Variants in ASIC2 observed in about 807,000 individuals in gnomAD.
ASIC2 encodes acid-sensing ion channel 2.
In ASIC2, 25 loss-of-function variants were observed where a neutral mutation model predicts 57.3. The observed-to-expected ratio is 0.44, with a 90% CI of 0.32 to 0.61. The LOEUF (loss-of-function observed/expected upper bound fraction) is 0.61. Ranked by LOEUF, ASIC2 falls within the 20% of genes least tolerant of loss-of-function variation. The pLI is 0.06. For synonymous variants in ASIC2, 319 were observed against 307.5 expected (o/e 1.04, Z -0.39); for missense variants, 641 against 738.1 (o/e 0.87, Z 1.52).
At chr17:33,288,754 ACACAC>A (rs1318554825) in intron 1 of ASIC2, among the ~76,000 whole-genome samples, 3 of 140,776 alleles carry the variant, frequency 2.1e-5, no homozygotes, top group Non-Finnish European at 3.1e-5. Context: ...ACACACACAC[ACACAC>A]AACTAATATG....
At chr17:33,928,584 T>A (rs1032752697) in intron 1 of ASIC2, among the ~76,000 whole-genome samples, 2 of 152,098 alleles carry the variant, frequency 1.3e-5, no homozygotes, top group African/African-American at 2.4e-5. Context: ...CCTCAAAAGA[T>A]GAACTGTGCC....
intron 1 of ASIC2, among the ~76,000 whole-genome samples, chr17:33,903,602 T>C (rs1915276962): frequency 6.6e-6 from 1 of 152,222 alleles, no homozygotes; most frequent in South Asian, 2.1e-4. Flanking sequence ...TGGAGGGTTT[T>C]TTGTTTGCTT....
chr17:33,710,958 T>C (rs954808544), intron 1 of ASIC2, among the ~76,000 whole-genome samples: 1 of 149,668 alleles, frequency 6.7e-6, no homozygotes, highest in South Asian at 2.1e-4. Context: ...TTAATTTTAA[T>C]TTTTTTGAGA....
At chr17:33,679,832 G>A (rs117064728) in intron 1 of ASIC2, among the ~76,000 whole-genome samples, 4 of 151,960 alleles carry the variant, frequency 2.6e-5, no homozygotes, top group South Asian at 2.1e-4. Context: ...AGAAGGTCAC[G>A]GAAAAAAAAC....
chr17:33,351,565 T>A (rs939806787), intron 1 of ASIC2, among the ~76,000 whole-genome samples: 1 of 152,156 alleles, frequency 6.6e-6, no homozygotes, highest in Non-Finnish European at 1.5e-5. Flanking sequence ...TCAAAGTGAA[T>A]CCCTACCTCT....
chr17:33,223,666 G>A (rs148205267), intron 1 of ASIC2, among the ~76,000 whole-genome samples: 10 of 152,368 alleles, frequency 6.6e-5, no homozygotes, highest in African/African-American at 2.2e-4. Context: ...ATAATATTTG[G>A]TATCAAGCCA....
intron 1 of ASIC2, among the ~76,000 whole-genome samples, chr17:34,151,119 AAAAAAAT>A (rs1904507731): frequency 8.8e-6 from 1 of 113,254 alleles, no homozygotes; most frequent in African/African-American, 2.7e-5. Context: ...AAAAAAAAAA[AAAAAAAT>A]AAAGAGGTAG....
intron 1 of ASIC2, among the ~76,000 whole-genome samples, chr17:33,729,601 C>T (rs949461683): frequency 1.3e-5 from 2 of 152,148 alleles, no homozygotes; most frequent in Non-Finnish European, 2.9e-5. Context: ...TTCTAGAGGG[C>T]TGAATTTGGG....
intron 1 of ASIC2, among the ~76,000 whole-genome samples, chr17:33,723,035 A>G (rs1309258932): frequency 6.6e-6 from 1 of 152,158 alleles, no homozygotes; most frequent in Non-Finnish European, 1.5e-5. Context: ...TGCCAATTTT[A>G]TTAAGCAGAA....
intron 1 of ASIC2, among the ~76,000 whole-genome samples, chr17:33,579,666 C>T (rs780149775): frequency 6.6e-6 from 1 of 152,072 alleles, no homozygotes; most frequent in Non-Finnish European, 1.5e-5. Context: ...GGCTCCTGGT[C>T]TGGCAGACTT....
At chr17:34,109,964 A>C (rs576538704) in intron 1 of ASIC2, among the ~76,000 whole-genome samples, 2 of 150,812 alleles carry the variant, frequency 1.3e-5, no homozygotes, top group Non-Finnish European at 3.0e-5. Flanking sequence ...GTGAGAGAGA[A>C]AGAGAGAGAG....
intron 3 of ASIC2, among the ~76,000 whole-genome samples, chr17:33,054,882 G>A (rs960317874): frequency 3.3e-5 from 5 of 152,290 alleles, no homozygotes; most frequent in Admixed American, 2.0e-4. Flanking sequence ...ATTTTAGGGC[G>A]TGATGTAGGG....
At chr17:33,112,560 G>C (rs2092263979) in intron 1 of ASIC2, among the ~76,000 whole-genome samples, 1 of 152,106 alleles carries the variant, frequency 6.6e-6, no homozygotes, top group Non-Finnish European at 1.5e-5. Flanking sequence ...CAATTCTCTT[G>C]CACTTCTGTC....
At chr17:33,314,380 G>T (rs1207501265) in intron 1 of ASIC2, among the ~76,000 whole-genome samples, 1 of 152,188 alleles carries the variant, frequency 6.6e-6, no homozygotes, top group Non-Finnish European at 1.5e-5. Flanking sequence ...ACAATTCCTT[G>T]TTGGCTGAGC....
chr17:34,023,378 A>AAC (rs59456457), intron 1 of ASIC2, among the ~76,000 whole-genome samples: 4,820 of 147,134 alleles, frequency 0.033, 100 homozygotes, highest in Middle Eastern at 0.045. Context: ...CTCTGTCACA[A>AAC]ACACACACAC....
chr17:33,863,873 T>C (rs1914159589), intron 1 of ASIC2, among the ~76,000 whole-genome samples: 1 of 151,904 alleles, frequency 6.6e-6, no homozygotes. Context: ...TATGCTCACT[T>C]TTACATTTAC....
intron 1 of ASIC2, among the ~76,000 whole-genome samples, chr17:33,403,830 C>T (rs1248508894): frequency 1.3e-5 from 2 of 152,188 alleles, no homozygotes; most frequent in Non-Finnish European, 2.9e-5. Context: ...GGTGAAGAAG[C>T]CAAGCTCCAG....
In ASIC2 at chr17:34,156,633, A is replaced by G. The variant is rs566875132; in HGVS notation, c.-101T>C. 6.9e-5 allele frequency: 88 copies of G among 1,273,680 alleles called. No individual in the cohort carries two copies. The highest frequency in any genetic ancestry group is 9.3e-5 in the Non-Finnish European group (87 of 936,758). 78.9% of individuals were successfully genotyped at this position (1,273,680 alleles called of 1,614,324 possible). A position where few individuals can be genotyped will look rare whatever the true frequency, so the allele number is the denominator to read the frequency against. On this transcript the variant is annotated 5_prime_UTR_variant, in exon 1 of 10. Coordinates refer to the ASIC2 transcript ENST00000359872. The surrounding 1 kb of genome is among the most constrained non-coding windows in gnomAD (Gnocchi z 4.4). ...GCTTAAACCTTGACGTTCAGGGGAGAGAACGCAAGGCAAGCATCGCGCCAG... is the reference window on the plus strand; with the variant it reads ...GCTTAAACCTTGACGTTCAGGGGAGGGAACGCAAGGCAAGCATCGCGCCAG...
chr17:33,161,155 T>C lies in ASIC2; in HGVS notation c.709-49088A>G, dbSNP rs35240309. Among the ~76,000 whole-genome samples, 4 of 152,284 alleles carry C rather than the reference T, an allele frequency of 2.6e-5. No individual in the cohort carries two copies. The South Asian group carries it at 8.3e-4, about 32-fold the overall frequency. On this transcript the variant is annotated intron_variant, in intron 1 of 9. Coordinates refer to ENST00000225823, the MANE Select transcript of ASIC2 (RefSeq NM_183377.2). ...AAAGAATCAGGAATTGGCTGTCTCCTGTGCTGAGAAAGGGTGGGGGAGATG... is the reference window on the plus strand; with the variant it reads ...AAAGAATCAGGAATTGGCTGTCTCCCGTGCTGAGAAAGGGTGGGGGAGATG...
Sources: gnomAD v4.1 joint callset for allele counts (sites outside exome capture counted in the v4.1 genomes callset) on GRCh38, gnomAD v4.1.1 for gene constraint, Gnocchi (gnomAD v3.1) non-coding constraint, MANE v1.5 for transcripts, NCBI Gene and HGNC (gene_info 2026-07-23, HGNC 2026-07-21) for gene names.